C12orf42: variants seen among roughly 807,000 people sequenced by gnomAD.
C12orf42 encodes the protein chromosome 12 open reading frame 42.
In C12orf42, 25 loss-of-function variants were observed where a neutral mutation model predicts 21.6. That is an observed-to-expected ratio of 1.16 (90% CI 0.84 to 1.62). The LOEUF (loss-of-function observed/expected upper bound fraction) is 1.62, where lower values mean the gene tolerates loss of function less well. C12orf42 is among the 40% of genes most tolerant of loss of function. The probability of loss-of-function intolerance (pLI) is 0.00; values close to 1 mark genes in which losing one functional copy is unlikely to be tolerated. For synonymous variants in C12orf42, 174 were observed against 175.0 expected (o/e 0.99, Z 0.05); for missense variants, 483 against 459.3 (o/e 1.05, Z -0.47).
the C12orf42 span, among the ~76,000 whole-genome samples, chr12:103,082,763 A>T: frequency 2.6e-5 from 4 of 152,272 alleles, no homozygotes; most frequent in African/African-American, 9.6e-5. Flanking sequence ...CAACAATATT[A>T]GAAAATGATC....
At chr12:103,213,081 G>A in the C12orf42 span, among the ~76,000 whole-genome samples, 2 of 151,936 alleles carry the variant, frequency 1.3e-5, no homozygotes, top group African/African-American at 4.8e-5. Context: ...TCAGAATAAG[G>A]TCACAATTTA....
chr12:103,477,574 C>T (rs1954153229), intron 2 of C12orf42, among the ~76,000 whole-genome samples: 2 of 151,802 alleles, frequency 1.3e-5, no homozygotes, highest in African/African-American at 4.8e-5. Flanking sequence ...TAATATAATC[C>T]AATATAATGG....
chr12:103,301,954 G>A (rs1036765539), downstream of C12orf42: 13 of 868,592 alleles, frequency 1.5e-5, no homozygotes, highest in Admixed American at 2.5e-4. Context: ...GCTGCGCTAG[G>A]GACTTTTGAC....
intron 3 of C12orf42, among the ~76,000 whole-genome samples, chr12:103,375,372 T>C (rs1366329513): frequency 6.6e-6 from 1 of 152,226 alleles, no homozygotes; most frequent in Non-Finnish European, 1.5e-5. Flanking sequence ...CCCAGTGTTG[T>C]TGGAGTCTGT....
chr12:103,324,303 TA>T (rs1194586823), intron 4 of C12orf42, among the ~76,000 whole-genome samples: 2 of 152,150 alleles, frequency 1.3e-5, no homozygotes, highest in East Asian at 3.8e-4. Context: ...GAAGAAGAGA[TA>T]ATAACTTATG....
At chr12:103,125,189 A>G in the C12orf42 span, among the ~76,000 whole-genome samples, 1,008 of 152,300 alleles carry the variant, frequency 6.6e-3, 12 homozygotes, top group African/African-American at 0.023. Flanking sequence ...AAGCCTACAG[A>G]CTGAATTAGT....
the C12orf42 span, among the ~76,000 whole-genome samples, chr12:103,207,773 T>C: frequency 6.6e-6 from 1 of 152,192 alleles, no homozygotes; most frequent in Non-Finnish European, 1.5e-5. Flanking sequence ...TTCCTTGGCA[T>C]ATCTGATCCA....
intron 4 of C12orf42, among the ~76,000 whole-genome samples, chr12:103,328,166 T>A (rs945213734): frequency 2.6e-5 from 4 of 152,114 alleles, no homozygotes; most frequent in Non-Finnish European, 4.4e-5. Flanking sequence ...GGGAAAAATA[T>A]CCCTCCTTTT....
chr12:103,244,478 C>T (rs2033915767), intron 10 of C12orf42, among the ~76,000 whole-genome samples: 2 of 151,436 alleles, frequency 1.3e-5, no homozygotes, highest in African/African-American at 2.4e-5. Context: ...GCCTGAGCCC[C>T]TGAAGACCTG....
chr12:103,157,903 T>C, the C12orf42 span, among the ~76,000 whole-genome samples: 5 of 152,210 alleles, frequency 3.3e-5, no homozygotes, highest in Admixed American at 1.3e-4. Flanking sequence ...ACCATATATG[T>C]TAAATGGTAT....
the C12orf42 span, chr12:103,505,037 C>T: frequency 4.5e-5 from 12 of 265,292 alleles, no homozygotes; most frequent in Admixed American, 1.2e-4. Flanking sequence ...AGGAAGCTAG[C>T]GGATGGAGTG....
At chr12:103,147,949 C>A in the C12orf42 span, among the ~76,000 whole-genome samples, 486 of 152,210 alleles carry the variant, frequency 3.2e-3, 2 homozygotes, top group African/African-American at 0.011. Flanking sequence ...GGACAAAGCT[C>A]ATGGAAAACA....
rs111945068 is a variant in C12orf42, at chr12:103,381,311, G to C, written c.148-12313C>G. 2.6e-3 allele frequency among the ~76,000 whole-genome samples: 403 copies of C among 152,284 alleles called. 3 individuals carry two copies. Among genetic ancestry groups the C allele is most frequent in the African/African-American group, 9.2e-3 (383 of 41,546 alleles). ...AGTATGGAATGTTCTATAGAGCTGA[G>C]CACATTGACAGGTTAATGCAATTGT... On this transcript the variant is annotated intron_variant, in intron 3 of 5. Transcript: ENST00000548883.
rs964967483 is a variant in C12orf42, at chr12:103,466,519, A to G, written c.78+11830T>C. Reference sequence around the variant, plus strand: ...ATAAATTCAGCAAAAGTAATTGTTTATCACTTTTAATAATAGGTTATAAAA... The same window carrying G: ...ATAAATTCAGCAAAAGTAATTGTTTGTCACTTTTAATAATAGGTTATAAAA... On this transcript the variant is annotated intron_variant, in intron 2 of 5. Coordinates refer to ENST00000548883, the MANE Select transcript of C12orf42 (RefSeq NM_198521.5). Among the ~76,000 whole-genome samples, 13 of 152,238 alleles carry G rather than the reference A, an allele frequency of 8.5e-5. 1 individual carries two copies. Among genetic ancestry groups the G allele is most frequent in the Admixed American group, 2.6e-4 (4 of 15,286 alleles).
At chr12:103,421,885 C>T (rs561004092) in intron 2 of C12orf42, among the ~76,000 whole-genome samples, 61 of 152,164 alleles carry the variant, frequency 4.0e-4, no homozygotes, top group African/African-American at 1.4e-3. Context: ...CAATCCTATT[C>T]GCCTGTCTTA....
At chr12:103,333,901 TTAC>T (rs1395034441) in intron 4 of C12orf42, among the ~76,000 whole-genome samples, 1 of 152,176 alleles carries the variant, frequency 6.6e-6, no homozygotes, top group Non-Finnish European at 1.5e-5. Context: ...TGCCTCATAT[TTAC>T]TACAAGAACC....
chr12:103,509,322 A>G, the C12orf42 span, among the ~76,000 whole-genome samples: 2 of 152,090 alleles, frequency 1.3e-5, no homozygotes, highest in East Asian at 1.9e-4. Flanking sequence ...TCACTACCCA[A>G]TTGAGAGCCT....
intron 4 of C12orf42, among the ~76,000 whole-genome samples, chr12:103,343,865 C>A (rs971916413): frequency 4.6e-5 from 7 of 151,998 alleles, no homozygotes; most frequent in Non-Finnish European, 1.0e-4. Flanking sequence ...TTACTAATAC[C>A]CCAATTAAAA....
the C12orf42 span, among the ~76,000 whole-genome samples, chr12:103,110,423 T>C: frequency 2.6e-5 from 4 of 152,296 alleles, no homozygotes; most frequent in Middle Eastern, 0.014. Context: ...CACCTCAGGA[T>C]AAGTAAGGGT....
Sources: allele counts gnomAD v4.1 joint callset (sites outside exome capture counted in the v4.1 genomes callset), GRCh38; gene constraint gnomAD v4.1.1; transcripts MANE v1.5; gene names NCBI Gene and HGNC (gene_info 2026-07-23, HGNC 2026-07-21).